Variants in PROSER2 observed in about 807,000 individuals in gnomAD.
The protein encoded by PROSER2 is proline and serine-rich protein 2.
PROSER2 carries 18 observed loss-of-function variants against 14.6 expected under a neutral mutation model. The ratio of observed to expected loss-of-function variants is 1.23; its 90% CI spans 0.85 to 1.83. The LOEUF (loss-of-function observed/expected upper bound fraction) is 1.83. PROSER2 is among the 40% of genes most tolerant of loss of function. The probability of loss-of-function intolerance (pLI) is 0.00; values close to 1 mark genes in which losing one functional copy is unlikely to be tolerated. For synonymous variants in PROSER2, 367 were observed against 286.4 expected (o/e 1.28, Z -2.84); for missense variants, 823 against 629.8 (o/e 1.31, Z -3.28).
rs1833799189 is a variant in PROSER2 at position 11,838,992 on chromosome 10, TC to T, written c.-81-13004del. 6.6e-6 allele frequency among the ~76,000 whole-genome samples: 1 copy of T among 152,244 alleles called. No individual in the cohort carries two copies. Among genetic ancestry groups the T allele is most frequent in the Admixed American group, 6.5e-5 (1 of 15,290 alleles). ...TATGTAGACAGATGCATTGAAATTTTCACCTTATAACTTGTATTTTTTGAGT... is the reference window on the plus strand; with the variant it reads ...TATGTAGACAGATGCATTGAAATTTTACCTTATAACTTGTATTTTTTGAGT... On this transcript the variant is annotated intron_variant, in intron 1 of 3. Coordinates refer to ENST00000277570, the MANE Select transcript of PROSER2 (RefSeq NM_153256.4). This position sits in a 1 kb window ranked among gnomAD's most constrained non-coding sequence, Gnocchi z 4.4.
At chr10:11,868,640 TTTTTG>T (rs143307574) in intron 3 of PROSER2, among the ~76,000 whole-genome samples, 3,809 of 147,624 alleles carry the variant, frequency 0.026, 145 homozygotes, top group African/African-American at 0.094. Context: ...GGTTTTTTGT[TTTTTG>T]TTTTGTTTTG....
chr10:11,863,978 G>A (rs1353728983), intron 2 of PROSER2, among the ~76,000 whole-genome samples: 1 of 152,058 alleles, frequency 6.6e-6, no homozygotes, highest in Non-Finnish European at 1.5e-5. Context: ...TCGTTATTCT[G>A]GGATTCCCTG....
rs1834448098 is a variant in PROSER2, at chr10:11,870,121, G to A, written c.1023G>A (p.Leu341=). The change falls in exon 4 of 4, where the codon CTG becomes CTA. Residue 341 remains leucine (L), a synonymous_variant. Transcript: ENST00000277570. ...GTCAGGCTCCGCGGGGCCCGGCGCT[G>A]GCCAACGGCTTCCCAAGTGCGCACG... ...AGGQAPRGPA[L]ANGFPSAHEA... is the part of the protein sequence containing the mutation. The A allele has an allele frequency of 1.5e-6, 2 of 1,368,626 alleles. No homozygotes were observed. Among genetic ancestry groups the A allele is most frequent in the African/African-American group, 3.1e-5 (2 of 65,174 alleles). 84.8% of individuals were successfully genotyped at this position (1,368,626 alleles called of 1,614,324 possible).
chr10:11,827,793 C>T (rs1327020369), intron 1 of PROSER2, among the ~76,000 whole-genome samples: 1 of 152,030 alleles, frequency 6.6e-6, no homozygotes, highest in South Asian at 2.1e-4. Context: ...ATCCTCCCCC[C>T]TCAGCCTCCA....
intron 1 of PROSER2, among the ~76,000 whole-genome samples, chr10:11,840,371 T>G (rs577789727): frequency 6.6e-6 from 1 of 152,338 alleles, no homozygotes; most frequent in Non-Finnish European, 1.5e-5. Flanking sequence ...CTCAAATGCT[T>G]CTTTCATCAT....
Position 11,837,777 on chromosome 10 carries a change from A to G in PROSER2, c.-81-14220A>G, listed in dbSNP as rs1264265838. ...GTGCAAAACCTAATAGTAGAATGTG[A>G]GAAACTTCATATTATTTGTTCCAGC... On this transcript the variant is annotated intron_variant, in intron 1 of 3. Coordinates refer to ENST00000277570, the MANE Select transcript of PROSER2 (RefSeq NM_153256.4). The surrounding 1 kb of genome is among the most constrained non-coding windows in gnomAD (Gnocchi z 4.6). 6.6e-6 allele frequency among the ~76,000 whole-genome samples: 1 copy of G among 152,202 alleles called. No individual in the cohort carries two copies. The highest frequency in any genetic ancestry group is 2.4e-5 in the African/African-American group (1 of 41,440).
chr10:11,831,408 T>C (rs543454864), intron 1 of PROSER2, among the ~76,000 whole-genome samples: 4 of 152,346 alleles, frequency 2.6e-5, no homozygotes, highest in African/African-American at 9.6e-5. Context: ...TGACTTCAAC[T>C]GGAATTTTCT....
intron 1 of PROSER2, among the ~76,000 whole-genome samples, chr10:11,824,957 A>G (rs1468216927): frequency 1.8e-4 from 27 of 152,126 alleles, no homozygotes; most frequent in Non-Finnish European, 4.0e-4. Flanking sequence ...ATATTTGTAG[A>G]CTGACCACCT....
Position 11,870,154 on chromosome 10 carries a change from G to T in PROSER2, c.1056G>T (p.Leu352=). Residue 352 remains leucine (L), a synonymous_variant, in exon 4 of 4, where the codon CTG becomes CTT. Coordinates refer to ENST00000277570, the MANE Select transcript of PROSER2 (RefSeq NM_153256.4). ...GCTTCCCAAGTGCGCACGAGGCCCTGAAGAGCGCACCCAGCTCCTTCGCGC... is the reference window on the plus strand; with the variant it reads ...GCTTCCCAAGTGCGCACGAGGCCCTTAAGAGCGCACCCAGCTCCTTCGCGC... ...ANGFPSAHEA[L]KSAPSSFAPA... is the part of the protein sequence containing the mutation. 6.9e-7 allele frequency: 1 copy of T among 1,458,250 alleles called. No individual in the cohort carries two copies. Among genetic ancestry groups the T allele is most frequent in the African/African-American group, 1.5e-5 (1 of 67,372 alleles). 90.3% of individuals were successfully genotyped at this position (1,458,250 alleles called of 1,614,324 possible).
At chr10:11,853,935 T>C (rs1289217333) in intron 2 of PROSER2, among the ~76,000 whole-genome samples, 1 of 152,178 alleles carries the variant, frequency 6.6e-6, no homozygotes, top group East Asian at 1.9e-4. Flanking sequence ...CCGTGGTATA[T>C]GTGATGTCTC....
rs201406207 is a variant in PROSER2, at chr10:11,843,440, C to A, written c.-81-8557C>A. On this transcript the variant is annotated intron_variant, in intron 1 of 3. Transcript: ENST00000277570. ...CGGTGGCTCACGCCTGTAATCCCAG[C>A]ACTTTGGGAGGCCAAGGCGGGCAGA... Among the ~76,000 whole-genome samples, 5 of 151,748 alleles carry A rather than the reference C, an allele frequency of 3.3e-5. No homozygotes were observed. In the East Asian group the frequency reaches 9.9e-4, roughly 30 times the overall value.
chr10:11,864,734 G>A (rs946284594), intron 2 of PROSER2, among the ~76,000 whole-genome samples: 1 of 151,968 alleles, frequency 6.6e-6, no homozygotes, highest in Non-Finnish European at 1.5e-5. Context: ...GATTACAGGT[G>A]CACACCACCA....
In PROSER2 at chr10:11,864,098, TCAGA is replaced by T. The variant is rs573949696; in HGVS notation, c.139-2429_139-2426del. ...TCCTGACTACCCTGCAGAGGCTTCC[TCAGA>T]CAGGCTGACATGGGAGATCAGATTG... On this transcript the variant is annotated intron_variant, in intron 2 of 3. Coordinates refer to ENST00000277570, the MANE Select transcript of PROSER2 (RefSeq NM_153256.4). 3.9e-5 allele frequency among the ~76,000 whole-genome samples: 6 copies of T among 152,330 alleles called. No individual in the cohort carries two copies. The East Asian group carries it at 1.2e-3, about 29-fold the overall frequency.
chr10:11,864,401 AT>A (rs917073911), intron 2 of PROSER2, among the ~76,000 whole-genome samples: 1 of 151,982 alleles, frequency 6.6e-6, no homozygotes, highest in African/African-American at 2.4e-5. Context: ...CAATTTTTAA[AT>A]TTTTTCCACA....
rs1834341174 is a variant in PROSER2, at chr10:11,866,146, A to C, written c.139-385A>C. Among the ~76,000 whole-genome samples, 1 of 152,170 alleles carries C rather than the reference A, an allele frequency of 6.6e-6. No individual in the cohort carries two copies. The highest frequency in any genetic ancestry group is 2.4e-5 in the African/African-American group (1 of 41,430). On this transcript the variant is annotated intron_variant, in intron 2 of 3. Transcript: ENST00000277570. The surrounding 1 kb of genome is among the most constrained non-coding windows in gnomAD (Gnocchi z 6.0). The stretch of plus-strand genomic sequence containing the variant: ...TACGGTTTCTGGTGAGAAAGGAGAT[A>C]AATATGTGAGTTCAATCCACCATCT...
chr10:11,860,503 C>G (rs1034439209), intron 2 of PROSER2, among the ~76,000 whole-genome samples: 1 of 151,962 alleles, frequency 6.6e-6, no homozygotes, highest in Non-Finnish European at 1.5e-5. Flanking sequence ...GTAATCCCAG[C>G]TACTCCGGAT....
rs1322883540 is a variant in PROSER2 at position 11,836,712 on chromosome 10, C to T, written c.-82+13242C>T. ...GATGTCTTTTAGAAGCTCATTTCTA[C>T]CTCTTTCCCAGCTCAACTGTGCTTG... On this transcript the variant is annotated intron_variant, in intron 1 of 3. Coordinates refer to ENST00000277570, the MANE Select transcript of PROSER2 (RefSeq NM_153256.4). This position sits in a 1 kb window ranked among gnomAD's most constrained non-coding sequence, Gnocchi z 4.6. Among the ~76,000 whole-genome samples the T allele has an allele frequency of 1.2e-4, 18 of 152,104 alleles. No individual in the cohort carries two copies. The highest frequency in any genetic ancestry group is 1.2e-3 in the Admixed American group (18 of 15,264).
At position 11,867,264 on chromosome 10, in the gene PROSER2, C is replaced by CAAAAAA. The variant is rs10560433; in HGVS notation, c.391+499_391+504dup. On this transcript the variant is annotated intron_variant, in intron 3 of 3. Transcript: ENST00000277570. The stretch of plus-strand genomic sequence containing the variant: ...TGGGGGACAGAGTGAGACTCCGTCT[C>CAAAAAA]AAAAAAAAAAAAAAAAAAAAAAAGA... Among the ~76,000 whole-genome samples, 95 of 51,740 alleles carry CAAAAAA rather than the reference C, an allele frequency of 1.8e-3. 1 individual carries two copies. The highest frequency in any genetic ancestry group is 2.1e-3 in the African/African-American group (32 of 14,904). The allele number at this position is 51,740 out of a possible 152,430, so 33.9% of individuals were successfully genotyped here.
At chr10:11,825,404 TC>T (rs1833597571) in intron 1 of PROSER2, among the ~76,000 whole-genome samples, 1 of 152,158 alleles carries the variant, frequency 6.6e-6, no homozygotes, top group South Asian at 2.1e-4. Flanking sequence ...CGTTTCACTT[TC>T]CTTTGCACTT....
Sources: allele counts gnomAD v4.1 joint callset (sites outside exome capture counted in the v4.1 genomes callset), GRCh38; gene constraint gnomAD v4.1.1; non-coding constraint Gnocchi (gnomAD v3.1); transcripts MANE v1.5; gene names NCBI Gene and HGNC (gene_info 2026-07-23, HGNC 2026-07-21).